Variants in ARHGAP24 observed in about 807,000 individuals in gnomAD.
ARHGAP24 encodes rho GTPase-activating protein 24.
A neutral mutation model predicts 76.4 loss-of-function variants in ARHGAP24; 50 were observed. That is an observed-to-expected ratio of 0.65 (90% confidence interval 0.52 to 0.83). ARHGAP24 has a LOEUF of 0.83. Among genes scored for constraint, ARHGAP24 ranks in the 40% least tolerant of loss-of-function variants. The pLI is 0.00. For missense variants in ARHGAP24, 930 were observed against 914.2 expected (o/e 1.02, Z -0.22); for synonymous variants, 345 against 323.3 (o/e 1.07, Z -0.72).
intron 5 of ARHGAP24, among the ~76,000 whole-genome samples, chr4:85,967,384 G>C (rs1738680887): frequency 6.6e-6 from 1 of 152,070 alleles, no homozygotes; most frequent in African/African-American, 2.4e-5. Flanking sequence ...AGGTGTTCAG[G>C]AACTACTTGT....
At chr4:85,562,136 T>C (rs1726622991) in intron 1 of ARHGAP24, among the ~76,000 whole-genome samples, 1 of 152,184 alleles carries the variant, frequency 6.6e-6, no homozygotes, top group Admixed American at 6.5e-5. Flanking sequence ...TGAGTGGAAG[T>C]GTTTAACTAT....
chr4:85,728,373 C>T (rs1418394459), intron 3 of ARHGAP24, among the ~76,000 whole-genome samples: 1 of 151,882 alleles, frequency 6.6e-6, no homozygotes, highest in African/African-American at 2.4e-5. Context: ...TTTATTATCT[C>T]TCTCTCTCTC....
intron 3 of ARHGAP24, among the ~76,000 whole-genome samples, chr4:85,773,461 T>C (rs769837351): frequency 6.6e-6 from 1 of 152,194 alleles, no homozygotes; most frequent in African/African-American, 2.4e-5. Context: ...GTAACCCAAG[T>C]GTACTCTATC....
chr4:85,668,839 G>A (rs1270567296), intron 2 of ARHGAP24, among the ~76,000 whole-genome samples: 1 of 152,152 alleles, frequency 6.6e-6, no homozygotes, highest in African/African-American at 2.4e-5. Flanking sequence ...ACTTTAGAGG[G>A]ATTTCTCTGG....
chr4:85,484,732 G>A (rs967676655), intron 1 of ARHGAP24, among the ~76,000 whole-genome samples: 5 of 152,032 alleles, frequency 3.3e-5, no homozygotes, highest in East Asian at 3.9e-4. Flanking sequence ...TTCTCCTGCC[G>A]TAGCCTCCCG....
In ARHGAP24 at chr4:85,916,274, T is replaced by G. The variant is rs193100780; in HGVS notation, c.269-7374T>G. ...TTTTTGGTGGGGTTGTTTTTTCTCT[T>G]GTAGTTTATTTAAGTTCCTTGTAGC... On this transcript the variant is annotated intron_variant, in intron 3 of 9. Transcript: ENST00000395184. Among the ~76,000 whole-genome samples the G allele has an allele frequency of 2.6e-5, 4 of 152,274 alleles. No homozygotes were observed. In the East Asian group the frequency reaches 5.8e-4, roughly 22 times the overall value.
chr4:85,540,003 C>T (rs1230610463), intron 1 of ARHGAP24, among the ~76,000 whole-genome samples: 3 of 151,700 alleles, frequency 2.0e-5, no homozygotes, highest in African/African-American at 2.4e-5. Context: ...AGAGATTGTG[C>T]GACTGCACTC....
Position 85,591,079 on chromosome 4 carries a change from T to C in ARHGAP24, c.180+20358T>C, listed in dbSNP as rs1051032458. On this transcript the variant is annotated intron_variant, in intron 2 of 9. Transcript: ENST00000395184. ...TTTTTTTTGAGATGGAGTTTTGCTC[T>C]TGTAGCCCAGGCTGGTGTGCAATGG... Among the ~76,000 whole-genome samples, 7 of 142,922 alleles carry C rather than the reference T, an allele frequency of 4.9e-5. No homozygotes were observed. The East Asian group carries it at 1.6e-3, about 32-fold the overall frequency. The allele number at this position is 142,922 out of a possible 152,430, so 93.8% of individuals were successfully genotyped here.
At chr4:85,856,471 CT>C (rs3029091) in intron 3 of ARHGAP24, among the ~76,000 whole-genome samples, 29,768 of 128,212 alleles carry the variant, frequency 0.23, 2,969 homozygotes, top group Non-Finnish European at 0.3. Context: ...GGAAATTACT[CT>C]TTTTTTTTTT....
intron 3 of ARHGAP24, among the ~76,000 whole-genome samples, chr4:85,913,622 T>C (rs1181442999): frequency 6.6e-6 from 1 of 152,162 alleles, no homozygotes; most frequent in African/African-American, 2.4e-5. Flanking sequence ...CTTTGTTTTA[T>C]TCACTGCTGT....
At chr4:85,995,990 G>A (rs1560775534) in intron 9 of ARHGAP24, among the ~76,000 whole-genome samples, 1 of 152,202 alleles carries the variant, frequency 6.6e-6, no homozygotes, top group Non-Finnish European at 1.5e-5. Context: ...AAGGAGAGGG[G>A]CTGTGAGGAG....
intron 1 of ARHGAP24, among the ~76,000 whole-genome samples, chr4:85,479,761 G>A (rs749706540): frequency 3.9e-5 from 6 of 152,164 alleles, no homozygotes; most frequent in Non-Finnish European, 5.9e-5. Flanking sequence ...TTGCTAATAT[G>A]TAGAAAGGGG....
At chr4:85,845,831 A>T (rs1300174944) in intron 3 of ARHGAP24, among the ~76,000 whole-genome samples, 1 of 152,220 alleles carries the variant, frequency 6.6e-6, no homozygotes, top group Non-Finnish European at 1.5e-5. Flanking sequence ...AATAGAAAAC[A>T]ATTCAAAGTT....
chr4:85,802,157 C>T (rs897911590), intron 3 of ARHGAP24, among the ~76,000 whole-genome samples: 7 of 152,060 alleles, frequency 4.6e-5, no homozygotes, highest in African/African-American at 1.4e-4. Flanking sequence ...ATAGCACTGG[C>T]TTCTTGATTT....
At chr4:85,887,720 G>A (rs1733641025) in intron 3 of ARHGAP24, among the ~76,000 whole-genome samples, 1 of 152,146 alleles carries the variant, frequency 6.6e-6, no homozygotes, top group African/African-American at 2.4e-5. Flanking sequence ...TCCCAAAGCT[G>A]ATGCTTAGGT....
chr4:85,530,370 G>T (rs1725209566), intron 1 of ARHGAP24, among the ~76,000 whole-genome samples: 1 of 151,848 alleles, frequency 6.6e-6, no homozygotes, highest in Admixed American at 6.6e-5. Flanking sequence ...ATTTGGTCTT[G>T]ACTGTTTCAC....
chr4:85,823,698 G>C (rs913755908), intron 3 of ARHGAP24, among the ~76,000 whole-genome samples: 8 of 152,128 alleles, frequency 5.3e-5, no homozygotes, highest in Admixed American at 1.3e-4. Context: ...GCTGTATTTT[G>C]ACAAAGATTT....
intron 3 of ARHGAP24, among the ~76,000 whole-genome samples, chr4:85,753,801 G>A (rs1362209746): frequency 6.6e-6 from 1 of 152,038 alleles, no homozygotes; most frequent in Non-Finnish European, 1.5e-5. Flanking sequence ...TGCATATTTT[G>A]GGGGTGCATG....
At chr4:85,608,396 T>C (rs1720272171) in intron 2 of ARHGAP24, among the ~76,000 whole-genome samples, 1 of 152,110 alleles carries the variant, frequency 6.6e-6, no homozygotes, top group African/African-American at 2.4e-5. Context: ...CACTACTTCT[T>C]TGTGGTCCAC....
Sources: allele counts gnomAD v4.1 joint callset (sites outside exome capture counted in the v4.1 genomes callset), GRCh38; gene constraint gnomAD v4.1.1; transcripts MANE v1.5; gene names NCBI Gene and HGNC (gene_info 2026-07-23, HGNC 2026-07-21).